Variants in NRK observed in about 807,000 individuals in gnomAD.
The protein encoded by NRK is Nik related kinase.
NRK carries 67 observed loss-of-function variants against 125.2 expected under a neutral mutation model. The ratio of observed to expected loss-of-function variants is 0.54; its 90% CI spans 0.44 to 0.66. The LOEUF (loss-of-function observed/expected upper bound fraction) is 0.66, where lower values mean the gene tolerates loss of function less well. Among genes scored for constraint, NRK ranks in the 30% least tolerant of loss-of-function variants. NRK has a pLI of 0.00. For synonymous variants in NRK, 458 were observed against 429.0 expected (o/e 1.07, Z -0.84); for missense variants, 1,224 against 1,192.9 (o/e 1.03, Z -0.38).
intron 2 of NRK, among the ~76,000 whole-genome samples, chrX:105,849,327 C>A (rs1366905159): frequency 1.8e-5 from 2 of 111,510 alleles, no homozygotes; most frequent in Non-Finnish European, 3.8e-5. Flanking sequence ...CCCCTGGGTC[C>A]CTCCCACAAC....
In NRK at chrX:105,851,295, T is replaced by G. The variant is rs377137182; in HGVS notation, c.123+20176T>G. 3.6e-5 allele frequency among the ~76,000 whole-genome samples: 4 copies of G among 112,525 alleles called. No individual in the cohort carries two copies. The East Asian group carries it at 8.4e-4, about 24-fold the overall frequency. On this transcript the variant is annotated intron_variant, in intron 2 of 28. Transcript: ENST00000243300. ...AACCACTGCTTAGTTGAATTTGAGA[T>G]TCTATGTGTAAACTAGAAATGTCAG...
rs1296181616 is a variant in NRK, at chrX:105,833,799, A to T, written c.123+2680A>T. 2.7e-5 allele frequency among the ~76,000 whole-genome samples: 3 copies of T among 111,407 alleles called. No individual in the cohort carries two copies. The East Asian group carries it at 8.5e-4, about 31-fold the overall frequency. On this transcript the variant is annotated intron_variant, in intron 2 of 28. Coordinates refer to ENST00000243300, the MANE Select transcript of NRK (RefSeq NM_198465.4). Reference sequence around the variant, plus strand: ...ACTGCCACCACAATCAAGATTTTCAATGTACATCTTAAACTAATCACAGTC... The same window carrying T: ...ACTGCCACCACAATCAAGATTTTCATTGTACATCTTAAACTAATCACAGTC...
chrX:105,844,929 G>A (rs2039382017), intron 2 of NRK, among the ~76,000 whole-genome samples: 1 of 111,485 alleles, frequency 9.0e-6, no homozygotes, highest in Admixed American at 9.5e-5. Context: ...CATTGTAAGT[G>A]CTCATATCTT....
chrX:105,925,464 T>G (rs1161700209), intron 19 of NRK, among the ~76,000 whole-genome samples: 1 of 111,030 alleles, frequency 9.0e-6, no homozygotes, highest in African/African-American at 3.3e-5. Flanking sequence ...ACAATCAATA[T>G]CCTCTCTCCT....
intron 23 of NRK, among the ~76,000 whole-genome samples, chrX:105,942,573 C>G (rs1038816240): frequency 9.0e-6 from 1 of 111,350 alleles, no homozygotes; most frequent in African/African-American, 3.3e-5. Flanking sequence ...GTTTGCTTAT[C>G]CTTTTGCTGT....
intron 2 of NRK, among the ~76,000 whole-genome samples, chrX:105,870,504 T>G (rs762311601): frequency 1.2e-4 from 14 of 112,137 alleles, no homozygotes; most frequent in African/African-American, 4.2e-4. Flanking sequence ...CAGTCTTTCC[T>G]TAGTTGCCTA....
At chrX:105,902,392 A>G (rs750742477) in intron 9 of NRK, among the ~76,000 whole-genome samples, 1 of 112,027 alleles carries the variant, frequency 8.9e-6, no homozygotes, top group South Asian at 3.7e-4. Flanking sequence ...TGCCTGGAAT[A>G]TTAATTTTGT....
intron 4 of NRK, among the ~76,000 whole-genome samples, chrX:105,886,438 AC>A (rs1433139936): frequency 9.5e-6 from 1 of 104,762 alleles, no homozygotes; most frequent in Admixed American, 1.1e-4. Context: ...TATTATATAT[AC>A]AGATAATTAT....
intron 19 of NRK, among the ~76,000 whole-genome samples, chrX:105,925,506 T>A (rs973487166): frequency 9.0e-6 from 1 of 111,005 alleles, no homozygotes; most frequent in Admixed American, 9.6e-5. Context: ...GAATTATTGT[T>A]AATTATAGTT....
chrX:105,861,783 G>C (rs1269878560), intron 2 of NRK, among the ~76,000 whole-genome samples: 2 of 111,895 alleles, frequency 1.8e-5, no homozygotes, highest in Non-Finnish European at 3.8e-5. Flanking sequence ...TTTCAGCTGG[G>C]CACGGTGGCT....
chrX:105,838,065 G>A lies in NRK; in HGVS notation c.123+6946G>A, dbSNP rs1007787929. 1.2e-4 allele frequency among the ~76,000 whole-genome samples: 13 copies of A among 110,976 alleles called. No individual in the cohort carries two copies. In the Admixed American group the frequency reaches 1.2e-3, roughly 11 times the overall value. ...AATCTCCAGGCTTTCTTCTGGCTCT[G>A]AGATATTGCACCTAGCACAGTGCCT... On this transcript the variant is annotated intron_variant, in intron 2 of 28. Transcript: ENST00000243300.
chrX:105,902,421 A>G (rs1445910464), intron 9 of NRK, among the ~76,000 whole-genome samples: 1 of 112,041 alleles, frequency 8.9e-6, no homozygotes, highest in African/African-American at 3.2e-5. Context: ...AATTGTCATC[A>G]GTTTAACTGC....
intron 16 of NRK, among the ~76,000 whole-genome samples, chrX:105,921,402 A>T (rs1479721725): frequency 9.4e-6 from 1 of 106,706 alleles, no homozygotes; most frequent in African/African-American, 3.5e-5. Context: ...TAGTGGGTGC[A>T]GTGCACCAGC....
intron 2 of NRK, among the ~76,000 whole-genome samples, chrX:105,866,078 GA>G (rs1471225565): frequency 9.2e-6 from 1 of 108,352 alleles, no homozygotes; most frequent in Admixed American, 9.8e-5. Context: ...TCTCTGTTAT[GA>G]ATTCTCAAAT....
At chrX:105,849,087 A>G (rs2039437123) in intron 2 of NRK, among the ~76,000 whole-genome samples, 2 of 111,512 alleles carry the variant, frequency 1.8e-5, no homozygotes, top group African/African-American at 6.5e-5. Context: ...ATAAAGACAC[A>G]CCCAAGATTG....
At chrX:105,864,707 A>G (rs1031974921) in intron 2 of NRK, among the ~76,000 whole-genome samples, 2 of 111,915 alleles carry the variant, frequency 1.8e-5, no homozygotes, top group Non-Finnish European at 3.8e-5. Context: ...CTGTAAGGCA[A>G]GACTTGGTCA....
chrX:105,914,590 A>G (rs1348407936), intron 14 of NRK, among the ~76,000 whole-genome samples: 1 of 109,758 alleles, frequency 9.1e-6, no homozygotes, highest in Non-Finnish European at 1.9e-5. Context: ...TCCAGTAGTG[A>G]CAATAAACTT....
chrX:105,952,590 A>G (rs1454205892), intron 27 of NRK, among the ~76,000 whole-genome samples: 1 of 111,901 alleles, frequency 8.9e-6, no homozygotes, highest in African/African-American at 3.2e-5. Flanking sequence ...TTTTTTAACT[A>G]TTTTAATTTT....
intron 2 of NRK, among the ~76,000 whole-genome samples, chrX:105,867,154 A>C (rs1453252099): frequency 8.9e-6 from 1 of 111,958 alleles, no homozygotes; most frequent in Non-Finnish European, 1.9e-5. Context: ...TTAGATTTTA[A>C]ATTAATTCAG....
Sources: gnomAD v4.1 joint callset for allele counts (sites outside exome capture counted in the v4.1 genomes callset) on GRCh38, gnomAD v4.1.1 for gene constraint, MANE v1.5 for transcripts, NCBI Gene and HGNC (gene_info 2026-07-23, HGNC 2026-07-21) for gene names.